MYO5B: variants seen among roughly 807,000 people sequenced by gnomAD.
MYO5B encodes the protein unconventional myosin-Vb.
In MYO5B, 143 loss-of-function variants were observed where a neutral mutation model predicts 229.3. That is an observed-to-expected ratio of 0.62 (90% CI 0.54 to 0.72). The LOEUF is 0.72. MYO5B is among the 30% of genes least tolerant of loss of function. The pLI is 0.00. For synonymous variants in MYO5B, 918 were observed against 885.2 expected, an observed-to-expected ratio of 1.04 and a Z score of -0.66; for missense variants, 2,321 against 2,331.0, an observed-to-expected ratio of 1.00 and a Z score of 0.09.
At chr18:49,956,026 C>T (rs1052091360) in intron 12 of MYO5B, among the ~76,000 whole-genome samples, 22 of 152,200 alleles carry the variant, frequency 1.4e-4, no homozygotes, top group African/African-American at 9.7e-5. Context: ...GAGAAGACTT[C>T]GTAATCCTGC....
At chr18:50,056,136 C>T (rs1044352651) in intron 1 of MYO5B, among the ~76,000 whole-genome samples, 1 of 152,202 alleles carries the variant, frequency 6.6e-6, no homozygotes, top group African/African-American at 2.4e-5. Context: ...AAGTAGCTAT[C>T]CTGATTTGCA....
chr18:49,877,307 T>C (rs1228136144), intron 25 of MYO5B, among the ~76,000 whole-genome samples: 1 of 152,232 alleles, frequency 6.6e-6, no homozygotes, highest in South Asian at 2.1e-4. Flanking sequence ...ATACTTTCAT[T>C]CCAAATATTT....
At position 49,906,706 on chromosome 18, in the gene MYO5B, T is replaced by C. The variant is rs533016670; in HGVS notation, c.2203-76A>G. ...AACATGGCCCATACCACCCTTGTTCTTCCCATGCAGAATCCCCTGGCCAGA... is the reference window on the plus strand; with the variant it reads ...AACATGGCCCATACCACCCTTGTTCCTCCCATGCAGAATCCCCTGGCCAGA... On this transcript the variant is annotated intron_variant, in intron 18 of 39. Transcript: ENST00000285039. 6 of 1,320,186 alleles carry C rather than the reference T, an allele frequency of 4.5e-6. No homozygotes were observed. In the South Asian group the frequency reaches 6.0e-5, roughly 13 times the overall value. The allele number at this position is 1,320,186 out of a possible 1,614,324, so 81.8% of individuals were successfully genotyped here. A position where few individuals can be genotyped will look rare whatever the true frequency, so the allele number is the denominator to read the frequency against.
At chr18:49,900,172 C>G (rs1343162710) in intron 21 of MYO5B, among the ~76,000 whole-genome samples, 1 of 152,232 alleles carries the variant, frequency 6.6e-6, no homozygotes, top group East Asian at 1.9e-4. Context: ...GGTTAACTCA[C>G]AACATTTGAC....
Position 49,882,365 on chromosome 18 carries a change from CA to C in MYO5B, c.3046-1911del, listed in dbSNP as rs1220328352. Among the ~76,000 whole-genome samples, 3 of 128,640 alleles carry C rather than the reference CA, an allele frequency of 2.3e-5. No individual in the cohort carries two copies. In the East Asian group the frequency reaches 9.1e-4, roughly 39 times the overall value. 84.4% of individuals were successfully genotyped at this position (128,640 alleles called of 152,430 possible). ...ACCCGGCCAGGTACCGTGCGTGGCT[CA>C]CACCTGCAATCCCAGCATTTTGAGA... On this transcript the variant is annotated intron_variant, in intron 22 of 39. Transcript: ENST00000285039.
intron 12 of MYO5B, among the ~76,000 whole-genome samples, chr18:49,958,302 C>T (rs969549727): frequency 6.6e-6 from 1 of 152,202 alleles, no homozygotes; most frequent in Non-Finnish European, 1.5e-5. Context: ...TCCTAAACCC[C>T]AATTTATGGT....
chr18:49,993,242 T>C lies in MYO5B; in HGVS notation c.613-811A>G, dbSNP rs192544489. Among the ~76,000 whole-genome samples, 359 of 152,150 alleles carry C rather than the reference T, an allele frequency of 2.4e-3. 1 individual carries two copies. Among genetic ancestry groups the C allele is most frequent in the Non-Finnish European group, 4.1e-3 (276 of 68,004 alleles). ...TAAAACACTTGAAAAACACCTGCTA[T>C]AACTTCTCAATGGTCTAGAAAATTT... On this transcript the variant is annotated intron_variant, in intron 5 of 39. Coordinates refer to ENST00000285039, the MANE Select transcript of MYO5B (RefSeq NM_001080467.3).
Position 50,132,826 on chromosome 18 carries a change from T to C in MYO5B, c.27+61941A>G, listed in dbSNP as rs190372685. Among the ~76,000 whole-genome samples, 3 of 152,376 alleles carry C rather than the reference T, an allele frequency of 2.0e-5. No homozygotes were observed. The East Asian group carries it at 5.8e-4, about 29-fold the overall frequency. On this transcript the variant is annotated intron_variant, in intron 1 of 39. Transcript: ENST00000285039. ...TGAAGCGTGAAAGGCAGGTAAGTTCTATAAGGAAATACCTTTTAATCCCTT... is the reference window on the plus strand; with the variant it reads ...TGAAGCGTGAAAGGCAGGTAAGTTCCATAAGGAAATACCTTTTAATCCCTT...
intron 1 of MYO5B, among the ~76,000 whole-genome samples, chr18:50,060,413 C>T (rs2030659381): frequency 6.6e-6 from 1 of 152,154 alleles, no homozygotes; most frequent in African/African-American, 2.4e-5. Context: ...TGACCACTAC[C>T]AGATTTACTA....
chr18:49,941,371 G>A (rs1006274240), intron 14 of MYO5B, among the ~76,000 whole-genome samples: 2 of 152,200 alleles, frequency 1.3e-5, no homozygotes, highest in Non-Finnish European at 2.9e-5. Flanking sequence ...ACAATAGGCT[G>A]CTGACACCAT....
chr18:49,954,453 A>T lies in MYO5B; in HGVS notation c.1546-18T>A, dbSNP rs572081399. On this transcript the variant is annotated intron_variant, in intron 12 of 39. Transcript: ENST00000285039. ...TTGGGGACCTGCAGAACCACAAGATAGGGCAGAGCGCTTTGTGAAGAGGAA... is the reference window on the plus strand; with the variant it reads ...TTGGGGACCTGCAGAACCACAAGATTGGGCAGAGCGCTTTGTGAAGAGGAA... The T allele has an allele frequency of 6.2e-7, 1 of 1,613,796 alleles. No individual in the cohort carries two copies. Among genetic ancestry groups the T allele is most frequent in the Admixed American group, 1.7e-5 (1 of 60,004 alleles).
intron 22 of MYO5B, among the ~76,000 whole-genome samples, chr18:49,883,634 A>C (rs2024612181): frequency 6.6e-6 from 1 of 152,234 alleles, no homozygotes; most frequent in South Asian, 2.1e-4. Context: ...CTGTTCCTTA[A>C]ATTCATATAT....
At chr18:50,175,786 T>C (rs2032987086) in intron 1 of MYO5B, among the ~76,000 whole-genome samples, 1 of 152,254 alleles carries the variant, frequency 6.6e-6, no homozygotes, top group Admixed American at 6.5e-5. Flanking sequence ...CCAGCTCAGA[T>C]ACCTGCAGAG....
intron 1 of MYO5B, among the ~76,000 whole-genome samples, chr18:50,107,101 T>G (rs1330217905): frequency 6.9e-6 from 1 of 144,458 alleles, no homozygotes; most frequent in African/African-American, 2.6e-5. Flanking sequence ...CCTAATGCCT[T>G]AGGGTGCCTT....
chr18:49,956,265 T>G (rs2025491422), intron 12 of MYO5B, among the ~76,000 whole-genome samples: 1 of 152,238 alleles, frequency 6.6e-6, no homozygotes, highest in Admixed American at 6.5e-5. Context: ...TTTAGATGTA[T>G]CAACTCATTT....
intron 1 of MYO5B, among the ~76,000 whole-genome samples, chr18:50,062,891 G>A (rs1284764552): frequency 6.6e-6 from 1 of 152,082 alleles, no homozygotes; most frequent in Non-Finnish European, 1.5e-5. Context: ...CCATCATCAG[G>A]TAAGAGTCTA....
rs1229034465 is a variant in MYO5B, at chr18:49,879,123, T to C, written c.3131-33A>G. The C allele has an allele frequency of 3.1e-6, 5 of 1,613,990 alleles. No homozygotes were observed. The South Asian group carries it at 4.4e-5, about 14-fold the overall frequency. On this transcript the variant is annotated intron_variant, in intron 23 of 39. Coordinates refer to ENST00000285039, the MANE Select transcript of MYO5B (RefSeq NM_001080467.3). ...GCAACACGCTAAGCTGCAGTTTTTC[T>C]GGATGGATTCCCTCACATGTATTGA...
intron 1 of MYO5B, chr18:50,098,765 AG>A (rs2031601816): frequency 6.5e-6 from 1 of 152,714 alleles, no homozygotes; most frequent in African/African-American, 2.4e-5. Context: ...TAAGCAATCC[AG>A]GTACCAACAG....
intron 1 of MYO5B, among the ~76,000 whole-genome samples, chr18:50,190,554 G>A (rs2033212416): frequency 6.6e-6 from 1 of 152,156 alleles, no homozygotes; most frequent in Non-Finnish European, 1.5e-5. Context: ...ATTTCTCAAA[G>A]GTGAGGTGTT....
Sources: allele counts gnomAD v4.1 joint callset (sites outside exome capture counted in the v4.1 genomes callset), GRCh38; gene constraint gnomAD v4.1.1; transcripts MANE v1.5; gene names NCBI Gene and HGNC (gene_info 2026-07-23, HGNC 2026-07-21).